The following CDCA2 variants were observed in gnomAD, a reference collection of about 807,000 sequenced individuals.
The protein encoded by CDCA2 is cell division cycle associated 2.
A neutral mutation model predicts 67.0 loss-of-function variants in CDCA2; 44 were observed. The observed-to-expected ratio is 0.66, with a 90% CI of 0.52 to 0.84. CDCA2 has a LOEUF of 0.84. Ranked by LOEUF, CDCA2 falls within the 40% of genes least tolerant of loss-of-function variation. The pLI is 0.00. For missense variants in CDCA2, 1,253 were observed against 1,203.2 expected (o/e 1.04, Z -0.61); for synonymous variants, 447 against 418.7 (o/e 1.07, Z -0.82).
intron 13 of CDCA2, among the ~76,000 whole-genome samples, chr8:25,502,239 T>C (rs1258461123): frequency 6.6e-6 from 1 of 152,174 alleles, no homozygotes; most frequent in Non-Finnish European, 1.5e-5. Context: ...AAATTCTGGT[T>C]CTCTTCAACA....
rs116086438 is a variant in CDCA2 at position 25,460,505 on chromosome 8, C to T, written c.183C>T (p.Thr61=). The T allele has an allele frequency of 3.7e-5, 60 of 1,614,144 alleles. No homozygotes were observed. In the African/African-American group the frequency reaches 6.8e-4, roughly 18 times the overall value. The change falls in exon 3 of 15, where the codon ACC becomes ACT. Residue 61 remains threonine, a synonymous_variant. Transcript: ENST00000330560. ...FKSPLNFSTV[T]VEQLGITPES... ...CACCTTTGAACTTTTCCACAGTAAC[C>T]GTAGAGCAATTGGGAATTACACCTG...
intron 4 of CDCA2, among the ~76,000 whole-genome samples, chr8:25,465,130 C>G (rs12115146): frequency 6.6e-6 from 1 of 152,240 alleles, no homozygotes; most frequent in Admixed American, 6.5e-5. Flanking sequence ...TGCACCACCA[C>G]GCCTGGTTAA....
intron 8 of CDCA2, among the ~76,000 whole-genome samples, chr8:25,481,233 CAAA>C (rs11438950): frequency 1.6e-5 from 2 of 128,704 alleles, no homozygotes; most frequent in African/African-American, 3.0e-5. Context: ...CAGTCTGGGA[CAAA>C]AAAAAAAAAA....
At chr8:25,468,015 G>A (rs7464346) in intron 5 of CDCA2, among the ~76,000 whole-genome samples, 82,457 of 150,726 alleles carry the variant, frequency 0.55, 24,124 homozygotes, top group Middle Eastern at 0.66. Context: ...CTATTTGAGA[G>A]GCTGAGGCAG....
At chr8:25,478,809 T>C (rs1803447292) in intron 7 of CDCA2, among the ~76,000 whole-genome samples, 1 of 151,756 alleles carries the variant, frequency 6.6e-6, no homozygotes, top group African/African-American at 2.4e-5. Context: ...TAGCACTTCC[T>C]TCCAGCTTAT....
intron 4 of CDCA2, 40 bp from the exon 5 acceptor site, chr8:25,466,135 A>G (rs1255912517): frequency 1.3e-6 from 2 of 1,553,524 alleles, no homozygotes; most frequent in Non-Finnish European, 1.7e-6. Flanking sequence ...GAAAGTATGA[A>G]TTGATTATAA....
Position 25,505,644 on chromosome 8 carries a change from GT to G in CDCA2, c.1844-859del, listed in dbSNP as rs200712480. ...GGATATATTTTTAAATGGAAACATT[GT>G]TTTTTTAGACTTTTGGCTCAACTTA... is the stretch of plus-strand genomic sequence containing the variant. On this transcript the variant is annotated intron_variant, in intron 14 of 14. Coordinates refer to ENST00000330560, the MANE Select transcript of CDCA2 (RefSeq NM_152562.4). Among the ~76,000 whole-genome samples the G allele has an allele frequency of 7.8e-3, 1,183 of 152,132 alleles. 7 individuals are homozygous for G. The highest frequency in any genetic ancestry group is 0.013 in the Non-Finnish European group (909 of 67,982).
intron 3 of CDCA2, 35 bp downstream of exon 3, chr8:25,460,589 C>T: frequency 1.3e-6 from 2 of 1,577,908 alleles, no homozygotes; most frequent in Non-Finnish European, 1.7e-6. Flanking sequence ...TAATGCTTTT[C>T]AAGTTTAAAA....
intron 13 of CDCA2, among the ~76,000 whole-genome samples, chr8:25,498,822 C>T (rs1310254409): frequency 6.6e-6 from 1 of 152,110 alleles, no homozygotes; most frequent in Non-Finnish European, 1.5e-5. Context: ...TACTGTGTAA[C>T]TCGGGGACTG....
intron 10 of CDCA2, 29 bp from the exon 11 acceptor site, chr8:25,485,730 A>G (rs1156229409): frequency 2.9e-6 from 4 of 1,391,014 alleles, no homozygotes; most frequent in Non-Finnish European, 4.0e-6. Flanking sequence ...ATTTAAAGAT[A>G]TCTAACTTCT....
chr8:25,482,058 A>G (rs968988221), intron 8 of CDCA2, among the ~76,000 whole-genome samples: 1 of 152,158 alleles, frequency 6.6e-6, no homozygotes, highest in Non-Finnish European at 1.5e-5. Flanking sequence ...ATTAAGAGGG[A>G]ACTTTGATCC....
Position 25,487,271 on chromosome 8 carries a change from T to C in CDCA2, c.1470T>C (p.Asn490=), listed in dbSNP as rs1803814194. Residue 490 remains asparagine, a synonymous_variant, in exon 12 of 15, where the codon AAT becomes AAC. Transcript: ENST00000330560. ...GCACTGATACCTTTAGTTCTTCAAA[T>C]AACCATGAGAAAATATCCTCTCCTA... The part of the protein sequence containing the change: ...LSGTDTFSSS[N]NHEKISSPKV... The C allele has an allele frequency of 3.7e-6, 6 of 1,612,116 alleles. No homozygotes were observed. The highest frequency in any genetic ancestry group is 5.1e-6 in the Non-Finnish European group (6 of 1,178,524).
At chr8:25,499,663 T>G (rs2117547512) in intron 13 of CDCA2, among the ~76,000 whole-genome samples, 1 of 152,306 alleles carries the variant, frequency 6.6e-6, no homozygotes, top group Admixed American at 6.5e-5. Flanking sequence ...AAGTCTTAAT[T>G]ATGCAAATAA....
intron 10 of CDCA2, 78 bp downstream of exon 10, chr8:25,484,288 A>G (rs1190935220): frequency 3.3e-6 from 5 of 1,512,138 alleles, no homozygotes; most frequent in South Asian, 1.2e-5. Flanking sequence ...AGCAATAACT[A>G]TGCTTTGAAA....
chr8:25,462,491 G>A (rs1279650399), intron 4 of CDCA2, among the ~76,000 whole-genome samples: 1 of 152,166 alleles, frequency 6.6e-6, no homozygotes, highest in Non-Finnish European at 1.5e-5. Context: ...GCTGGGTGTG[G>A]TGGCAGGTTC....
chr8:25,474,062 G>A (rs991143087), intron 7 of CDCA2, among the ~76,000 whole-genome samples: 5 of 152,152 alleles, frequency 3.3e-5, no homozygotes, highest in Non-Finnish European at 7.3e-5. Flanking sequence ...TGATGATATG[G>A]TTTCTATTTT....
In CDCA2 at chr8:25,484,009, G is replaced by A. The variant is rs773971290; in HGVS notation, c.1164G>A (p.Arg388=). ...AAGCACCTGCCTTTCTAAATATGAG[G>A]AAGAGGAAGAGAGTTACTTTTGGAG... ...NFEAPAFLNM[R]KRKRVTFGED... The change falls in exon 10 of 15, where the codon AGG becomes AGA. Residue 388 remains arginine, a synonymous_variant. Transcript: ENST00000330560. 1 of 1,614,062 alleles carries A rather than the reference G, an allele frequency of 6.2e-7. No homozygotes were observed. Among genetic ancestry groups the A allele is most frequent in the Non-Finnish European group, 8.5e-7 (1 of 1,179,930 alleles).
At chr8:25,499,903 C>G (rs969843612) in intron 13 of CDCA2, among the ~76,000 whole-genome samples, 4 of 152,156 alleles carry the variant, frequency 2.6e-5, no homozygotes. Context: ...GGCTTTTGTA[C>G]TGTGGTGAAT....
rs1486982296 is a variant in CDCA2, at chr8:25,480,061, G to A, written c.969G>A (p.Lys323=). 13 of 1,613,982 alleles carry A rather than the reference G, an allele frequency of 8.1e-6. No homozygotes were observed. The highest frequency in any genetic ancestry group is 6.7e-5 in the Admixed American group (4 of 59,994). Residue 323 remains lysine, a synonymous_variant, in exon 8 of 15, where the codon AAG becomes AAA. Transcript: ENST00000330560. The stretch of plus-strand genomic sequence containing the variant: ...GCAGGAGGGACCTTCCCACCCCCAA[G>A]ACCTTTGTACTTCGTTCTGTACTGA... ...PACRRDLPTP[K]TFVLRSVLKK...
Sources: gnomAD v4.1 joint callset for allele counts (sites outside exome capture counted in the v4.1 genomes callset) on GRCh38, gnomAD v4.1.1 for gene constraint, MANE v1.5 for transcripts, NCBI Gene and HGNC (gene_info 2026-07-23, HGNC 2026-07-21) for gene names.